Variants in DLC1 observed in about 807,000 individuals in gnomAD.
The protein encoded by DLC1 is DLC1 Rho GTPase activating protein, also known as rho GTPase-activating protein 7.
DLC1 carries 54 observed loss-of-function variants against 140.3 expected under a neutral mutation model. The observed-to-expected ratio is 0.38, with a 90% CI of 0.31 to 0.48. The LOEUF (loss-of-function observed/expected upper bound fraction) is 0.48, where lower values mean the gene tolerates loss of function less well. Ranked by LOEUF, DLC1 falls within the 20% of genes least tolerant of loss-of-function variation. The pLI is 0.96. For missense variants in DLC1, 2,536 were observed against 1,907.0 expected, an observed-to-expected ratio of 1.33 and a Z score of -6.14; for synonymous variants, 986 against 728.1, an observed-to-expected ratio of 1.35 and a Z score of -5.70.
intron 5 of DLC1, among the ~76,000 whole-genome samples, chr8:13,268,522 C>T (rs1453898168): frequency 6.6e-6 from 1 of 152,120 alleles, no homozygotes; most frequent in Non-Finnish European, 1.5e-5. Context: ...GTATTTGGGG[C>T]TACAGGTGCA....
intron 2 of DLC1, among the ~76,000 whole-genome samples, chr8:13,424,580 T>C (rs1408641267): frequency 6.6e-6 from 1 of 152,116 alleles, no homozygotes; most frequent in East Asian, 1.9e-4. Context: ...TTGTAATTTT[T>C]TTTTCTTTCT....
chr8:13,276,426 C>G (rs1489251142), intron 5 of DLC1: 1 of 1,437,292 alleles, frequency 7.0e-7, no homozygotes, highest in Admixed American at 2.7e-5. Flanking sequence ...TTCAGCGCAG[C>G]CCGGGCGCCG....
intron 5 of DLC1, among the ~76,000 whole-genome samples, chr8:13,157,361 G>C (rs1824326030): frequency 6.6e-6 from 1 of 152,166 alleles, no homozygotes; most frequent in South Asian, 2.1e-4. Flanking sequence ...AGGAGTTTGG[G>C]AACAGACGAA....
chr8:13,555,173 A>C (rs1453128027), intron 1 of DLC1, among the ~76,000 whole-genome samples: 1 of 152,234 alleles, frequency 6.6e-6, no homozygotes, highest in African/African-American at 2.4e-5. Flanking sequence ...CACTGAATTT[A>C]AAATGACAAT....
chr8:13,140,492 C>T (rs992773111), intron 5 of DLC1, among the ~76,000 whole-genome samples: 1 of 151,248 alleles, frequency 6.6e-6, no homozygotes, highest in Non-Finnish European at 1.5e-5. Flanking sequence ...CTCTGCCTTC[C>T]AAAGTGCTGG....
intron 2 of DLC1, among the ~76,000 whole-genome samples, chr8:13,479,076 C>T (rs1260129250): frequency 6.6e-6 from 1 of 152,178 alleles, no homozygotes; most frequent in African/African-American, 2.4e-5. Flanking sequence ...CATTCCACCC[C>T]TTAGTTGGTT....
intron 5 of DLC1, among the ~76,000 whole-genome samples, chr8:13,155,667 G>A (rs1233778576): frequency 2.0e-5 from 3 of 152,016 alleles, no homozygotes; most frequent in African/African-American, 4.8e-5. Flanking sequence ...TCTTCATTAT[G>A]ACTCTGATAA....
At chr8:13,275,499 C>T (rs757370847) in intron 5 of DLC1, among the ~76,000 whole-genome samples, 2 of 152,150 alleles carry the variant, frequency 1.3e-5, no homozygotes, top group African/African-American at 2.4e-5. Context: ...AAGAAGGCAC[C>T]ATAAACGCTA....
In DLC1 at chr8:13,099,826, G is replaced by T; in HGVS notation, c.2511C>A (p.Asn837Lys). ...FSPSGNNGSVNWRTGSFHGPG... is the reference protein window; with the variant it reads ...FSPSGNNGSVKWRTGSFHGPG... ...GGCCGTGGAAGCTTCCCGTCCTCCA[G>T]TTCACAGAGCCGTTATTCCCCGAGG... Residue 837 changes from asparagine (N) to lysine (K), a missense_variant, in exon 9 of 18, where the codon AAC becomes AAA. By Grantham distance (94) the Asn-to-Lys change is moderately conservative. Transcript: ENST00000276297. The T allele has an allele frequency of 6.2e-7, 1 of 1,614,182 alleles. No homozygotes were observed. The highest frequency in any genetic ancestry group is 2.2e-5 in the East Asian group (1 of 44,870).
intron 4 of DLC1, among the ~76,000 whole-genome samples, chr8:13,351,738 A>G (rs994605026): frequency 6.6e-6 from 1 of 152,200 alleles, no homozygotes; most frequent in Non-Finnish European, 1.5e-5. Context: ...TTATAGAAAA[A>G]GTCTGCCAAG....
chr8:13,579,761 A>G (rs921802036), intron 1 of DLC1, among the ~76,000 whole-genome samples: 4 of 151,116 alleles, frequency 2.6e-5, no homozygotes, highest in East Asian at 1.9e-4. Flanking sequence ...AGCAGCAAAA[A>G]CATTTTGTAG....
chr8:13,595,531 T>G (rs969812977), intron 1 of DLC1, among the ~76,000 whole-genome samples: 1 of 152,088 alleles, frequency 6.6e-6, no homozygotes, highest in Non-Finnish European at 1.5e-5. Context: ...AAATACCAGA[T>G]AAATGTTAAA....
chr8:13,146,833 C>G (rs1585767055), intron 5 of DLC1, among the ~76,000 whole-genome samples: 2 of 152,162 alleles, frequency 1.3e-5, no homozygotes, highest in African/African-American at 2.4e-5. Flanking sequence ...AAGGACACTT[C>G]TGGTTAGTGT....
intron 1 of DLC1, among the ~76,000 whole-genome samples, chr8:13,582,132 C>A (rs1805123451): frequency 6.6e-6 from 1 of 152,050 alleles, no homozygotes; most frequent in African/African-American, 2.4e-5. Context: ...CTCTGGAGGT[C>A]ATCAAAAAGC....
At chr8:13,502,327 T>C (rs1395061677) in intron 1 of DLC1, among the ~76,000 whole-genome samples, 2 of 152,192 alleles carry the variant, frequency 1.3e-5, no homozygotes, top group African/African-American at 4.8e-5. Flanking sequence ...GCTTTCAACA[T>C]TTCCAAATCA....
chr8:13,462,393 A>C (rs1023397108), intron 2 of DLC1, among the ~76,000 whole-genome samples: 1 of 141,762 alleles, frequency 7.1e-6, no homozygotes, highest in Non-Finnish European at 1.5e-5. Flanking sequence ...TACCATTACT[A>C]TTCTTTTTTT....
rs1380955051 is a variant in DLC1 at position 13,499,817 on chromosome 8, C to T, written c.255G>A (p.Val85=). 6.2e-7 allele frequency: 1 copy of T among 1,614,082 alleles called. No individual in the cohort carries two copies. The highest frequency in any genetic ancestry group is 8.5e-7 in the Non-Finnish European group (1 of 1,180,016). ...GRPMGHLSKD[V]DENDSHEGED... is the part of the protein sequence containing the mutation. The stretch of plus-strand genomic sequence containing the variant: ...CACCTTCATGGCTGTCATTTTCGTC[C>T]ACATCCTTTGAAAGATGACCCATTG... Residue 85 remains valine, a synonymous_variant, in exon 2 of 18, where the codon GTG becomes GTA. Coordinates refer to ENST00000276297, the MANE Select transcript of DLC1 (RefSeq NM_182643.3).
chr8:13,126,507 A>G (rs1821583488), intron 5 of DLC1, among the ~76,000 whole-genome samples: 1 of 148,134 alleles, frequency 6.8e-6, no homozygotes, highest in Non-Finnish European at 1.5e-5. Flanking sequence ...TTTGAAGATG[A>G]TAACTGCATA....
chr8:13,214,917 C>T (rs1283350245), intron 5 of DLC1: 1 of 640,506 alleles, frequency 1.6e-6, no homozygotes, highest in African/African-American at 1.8e-5. Context: ...AAGATATTGT[C>T]AAACTCAGCA....
Sources: allele counts gnomAD v4.1 joint callset (sites outside exome capture counted in the v4.1 genomes callset), GRCh38; gene constraint gnomAD v4.1.1; transcripts MANE v1.5; gene names NCBI Gene and HGNC (gene_info 2026-07-23, HGNC 2026-07-21).